CADM2: variants seen among roughly 807,000 people sequenced by gnomAD.
CADM2 encodes the protein immunoglobulin superfamily member 4D.
A neutral mutation model predicts 49.8 loss-of-function variants in CADM2; 12 were observed. That is an observed-to-expected ratio of 0.24 (90% confidence interval 0.15 to 0.39). The LOEUF (loss-of-function observed/expected upper bound fraction) is 0.39, where lower values mean the gene tolerates loss of function less well. Among genes scored for constraint, CADM2 ranks in the 10% least tolerant of loss-of-function variants. The probability of loss-of-function intolerance (pLI) is 1.00; values close to 1 mark genes in which losing one functional copy is unlikely to be tolerated. For missense variants in CADM2, 378 were observed against 492.3 expected, an observed-to-expected ratio of 0.77 and a Z score of 2.20; for synonymous variants, 214 against 175.4, an observed-to-expected ratio of 1.22 and a Z score of -1.74.
intron 1 of CADM2, among the ~76,000 whole-genome samples, chr3:85,076,763 G>A (rs993454040): frequency 3.0e-4 from 45 of 152,170 alleles, no homozygotes; most frequent in African/African-American, 9.9e-4. Flanking sequence ...CCTGAAGTCA[G>A]GAGTTCGAGA....
At chr3:85,898,694 A>G (rs1049061740) in intron 5 of CADM2, among the ~76,000 whole-genome samples, 3 of 151,392 alleles carry the variant, frequency 2.0e-5, no homozygotes, top group Non-Finnish European at 2.9e-5. Flanking sequence ...ATACGCCACA[A>G]TTAGTTACCT....
chr3:86,032,683 G>T (rs1171234319), intron 8 of CADM2, among the ~76,000 whole-genome samples: 1 of 151,742 alleles, frequency 6.6e-6, no homozygotes, highest in Admixed American at 6.6e-5. Flanking sequence ...ATCAGTTATT[G>T]TTTTAGAACT....
At chr3:85,059,167 A>G (rs2036205153) in intron 1 of CADM2, among the ~76,000 whole-genome samples, 1 of 151,912 alleles carries the variant, frequency 6.6e-6, no homozygotes, top group Non-Finnish European at 1.5e-5. Context: ...TGAACCCGGG[A>G]GGTGGAGCTT....
intron 1 of CADM2, among the ~76,000 whole-genome samples, chr3:85,209,247 C>T (rs1045459567): frequency 2.6e-5 from 4 of 152,086 alleles, no homozygotes; most frequent in Admixed American, 1.3e-4. Flanking sequence ...TTTTTAAATA[C>T]GTTGGTTCAG....
chr3:85,195,357 C>T (rs2041316651), intron 1 of CADM2, among the ~76,000 whole-genome samples: 1 of 151,902 alleles, frequency 6.6e-6, no homozygotes, highest in African/African-American at 2.4e-5. Flanking sequence ...CTTTGTACAC[C>T]ATATCTATGA....
At chr3:85,374,393 G>T (rs2033463136) in intron 1 of CADM2, among the ~76,000 whole-genome samples, 1 of 151,924 alleles carries the variant, frequency 6.6e-6, no homozygotes, top group Non-Finnish European at 1.5e-5. Context: ...CTCTATCTGA[G>T]ACCACCTCAG....
At chr3:85,732,271 GA>G (rs955439120) in intron 2 of CADM2, among the ~76,000 whole-genome samples, 6 of 150,824 alleles carry the variant, frequency 4.0e-5, no homozygotes, top group African/African-American at 9.7e-5. Context: ...AAAAAAAAAA[GA>G]AAAAAAGTGT....
At chr3:85,508,600 A>G (rs977249672) in intron 1 of CADM2, among the ~76,000 whole-genome samples, 4 of 152,194 alleles carry the variant, frequency 2.6e-5, no homozygotes, top group Non-Finnish European at 5.9e-5. Context: ...AAAATATGGG[A>G]AATGCTTTCG....
intron 1 of CADM2, among the ~76,000 whole-genome samples, chr3:85,028,531 T>TTTAC (rs1217918163): frequency 3.3e-5 from 5 of 152,200 alleles, no homozygotes; most frequent in Non-Finnish European, 5.9e-5. Flanking sequence ...AATTAGTATC[T>TTTAC]TAAAGTACAA....
In CADM2 at chr3:86,067,010, A is replaced by T. The variant is rs930035267; in HGVS notation, c.*227A>T. The T allele has an allele frequency of 5.3e-5, 27 of 513,434 alleles. No homozygotes were observed. The Admixed American group carries it at 8.6e-4, about 16-fold the overall frequency. The allele number at this position is 513,434 out of a possible 1,614,324, so 31.8% of individuals were successfully genotyped here. The stretch of plus-strand genomic sequence containing the variant: ...TTTCTTACTGCCTAAATTTCACACC[A>T]TTGCTCTTTTAACATACAGTGCTTG... On this transcript the variant is annotated 3_prime_UTR_variant, in exon 10 of 10. Coordinates refer to ENST00000383699, the MANE Select transcript of CADM2 (RefSeq NM_001167675.2).
chr3:85,381,976 C>A (rs1434759345), intron 1 of CADM2, among the ~76,000 whole-genome samples: 4 of 151,670 alleles, frequency 2.6e-5, no homozygotes, highest in African/African-American at 4.9e-5. Context: ...TATTTAAACT[C>A]ACCAAGCCTT....
At chr3:85,003,963 A>T (rs1576012281) in intron 1 of CADM2, among the ~76,000 whole-genome samples, 1 of 152,282 alleles carries the variant, frequency 6.6e-6, no homozygotes, top group Admixed American at 6.5e-5. Context: ...AAATTATAAA[A>T]ATAGAAGTCT....
intron 1 of CADM2, among the ~76,000 whole-genome samples, chr3:85,632,124 T>C (rs1449179800): frequency 2.0e-5 from 3 of 152,102 alleles, no homozygotes; most frequent in African/African-American, 7.2e-5. Context: ...TGGGAGATGA[T>C]TGAATCACAG....
At chr3:85,941,555 T>G (rs1306333935) in intron 7 of CADM2, among the ~76,000 whole-genome samples, 1 of 151,998 alleles carries the variant, frequency 6.6e-6, no homozygotes, top group Admixed American at 6.6e-5. Context: ...AAATCCAAAA[T>G]AGTTAAAACG....
chr3:85,693,656 G>A (rs1481663511), intron 1 of CADM2, among the ~76,000 whole-genome samples: 1 of 149,398 alleles, frequency 6.7e-6, no homozygotes, highest in Non-Finnish European at 1.5e-5. Context: ...GGGATGCCGA[G>A]GCAGGTGGAT....
intron 8 of CADM2, among the ~76,000 whole-genome samples, chr3:85,996,817 A>G (rs1375036745): frequency 6.6e-6 from 1 of 152,196 alleles, no homozygotes; most frequent in Non-Finnish European, 1.5e-5. Context: ...AGTTATTTTA[A>G]TGGCTTTTCC....
intron 1 of CADM2, among the ~76,000 whole-genome samples, chr3:85,083,870 C>T (rs2037269457): frequency 6.6e-6 from 1 of 151,988 alleles, no homozygotes; most frequent in Non-Finnish European, 1.5e-5. Flanking sequence ...AAACAGAAAA[C>T]AGTGTTAGCA....
intron 1 of CADM2, among the ~76,000 whole-genome samples, chr3:85,320,140 A>G (rs144110777): frequency 6.6e-6 from 1 of 152,284 alleles, no homozygotes; most frequent in African/African-American, 2.4e-5. Flanking sequence ...TTTTATTGTC[A>G]TAATTGAGGA....
rs182119175 is a variant in CADM2 at position 85,885,256 on chromosome 3, G to A, written c.392-934G>A. On this transcript the variant is annotated intron_variant, in intron 4 of 9. Coordinates refer to ENST00000383699, the MANE Select transcript of CADM2 (RefSeq NM_001167675.2). ...TCACAGGTAAAATTTTACAAATGAG[G>A]CCAGGCACGGTGGCTCTTGCCTGTA... Among the ~76,000 whole-genome samples, 813 of 151,920 alleles carry A rather than the reference G, an allele frequency of 5.4e-3. 4 individuals carry two copies. The highest frequency in any genetic ancestry group is 0.01 in the Middle Eastern group (3 of 294).
Sources: allele counts gnomAD v4.1 joint callset (sites outside exome capture counted in the v4.1 genomes callset), GRCh38; gene constraint gnomAD v4.1.1; transcripts MANE v1.5; gene names NCBI Gene and HGNC (gene_info 2026-07-23, HGNC 2026-07-21).